UVRAG: variants seen among roughly 807,000 people sequenced by gnomAD.
UVRAG encodes UV radiation resistance-associated gene protein.
A neutral mutation model predicts 78.0 loss-of-function variants in UVRAG; 19 were observed. That is an observed-to-expected ratio of 0.24 (90% confidence interval 0.17 to 0.36). UVRAG has a LOEUF of 0.36. Ranked by LOEUF, UVRAG falls within the 10% of genes least tolerant of loss-of-function variation. The pLI is 1.00. For synonymous variants in UVRAG, 323 were observed against 324.6 expected, an observed-to-expected ratio of 1.00 and a Z score of 0.05; for missense variants, 740 against 853.8, an observed-to-expected ratio of 0.87 and a Z score of 1.66.
chr11:75,960,770 A>G (rs1948894543), intron 6 of UVRAG, among the ~76,000 whole-genome samples: 2 of 152,166 alleles, frequency 1.3e-5, no homozygotes, highest in Non-Finnish European at 2.9e-5. Flanking sequence ...CTGTCTCAAA[A>G]TAAAATTAAA....
At chr11:75,848,345 ACAGT>A (rs1468412665) in intron 1 of UVRAG, among the ~76,000 whole-genome samples, 2 of 152,238 alleles carry the variant, frequency 1.3e-5, no homozygotes, top group Non-Finnish European at 2.9e-5. Context: ...CATACAGCCC[ACAGT>A]CAGTGCTTTA....
chr11:76,049,286 T>G (rs1249396569), intron 12 of UVRAG, among the ~76,000 whole-genome samples: 1 of 152,220 alleles, frequency 6.6e-6, no homozygotes, highest in Non-Finnish European at 1.5e-5. Flanking sequence ...CCCACATTTA[T>G]TTAAGCCCCA....
intron 12 of UVRAG, among the ~76,000 whole-genome samples, chr11:76,025,616 A>G (rs187876609): frequency 1.2e-4 from 18 of 152,180 alleles, no homozygotes; most frequent in Middle Eastern, 6.8e-3. Flanking sequence ...GATTTTGTGT[A>G]CTTATGTTTG....
intron 5 of UVRAG, among the ~76,000 whole-genome samples, chr11:75,894,404 C>T (rs1311156424): frequency 6.6e-6 from 1 of 151,674 alleles, no homozygotes; most frequent in Non-Finnish European, 1.5e-5. Context: ...AAAAGCATTG[C>T]CCTAGACAAC....
intron 1 of UVRAG, among the ~76,000 whole-genome samples, chr11:75,833,951 C>T (rs534917696): frequency 1.3e-4 from 20 of 152,348 alleles, no homozygotes; most frequent in East Asian, 9.6e-4. Flanking sequence ...ATGGCCATCA[C>T]GAACATGTCA....
chr11:75,931,232 T>C (rs554391270), intron 6 of UVRAG, among the ~76,000 whole-genome samples: 1 of 152,240 alleles, frequency 6.6e-6, no homozygotes, highest in South Asian at 2.1e-4. Flanking sequence ...AGATACTTAT[T>C]GCTCTTCTAG....
chr11:75,921,797 G>T lies in UVRAG; in HGVS notation c.593+9758G>T, dbSNP rs567467228. Among the ~76,000 whole-genome samples, 16 of 151,756 alleles carry T rather than the reference G, an allele frequency of 1.1e-4. No individual in the cohort carries two copies. The South Asian group carries it at 3.1e-3, about 30-fold the overall frequency. ...CTTCATAGATGAATTCATTGTGCCA[G>T]CACCTTTCTTTTCCCACTGAATTTA... is the stretch of plus-strand genomic sequence containing the variant. On this transcript the variant is annotated intron_variant, in intron 6 of 14. Transcript: ENST00000356136.
At chr11:75,996,057 A>C (rs866280556) in intron 8 of UVRAG, among the ~76,000 whole-genome samples, 9 of 152,234 alleles carry the variant, frequency 5.9e-5, no homozygotes, top group South Asian at 2.1e-4. Context: ...TTCAGTTTCC[A>C]TGTAAGTATA....
chr11:76,139,229 G>T (rs1442867204), intron 14 of UVRAG, among the ~76,000 whole-genome samples: 1 of 152,180 alleles, frequency 6.6e-6, no homozygotes, highest in African/African-American at 2.4e-5. Flanking sequence ...GTATAATCCT[G>T]CATCAGAGGA....
In UVRAG at chr11:75,851,928, A is replaced by G. The variant is rs748748115; in HGVS notation, c.163A>G (p.Asn55Asp). 4 of 1,614,066 alleles carry G rather than the reference A, an allele frequency of 2.5e-6. No homozygotes were observed. The highest frequency in any genetic ancestry group is 1.3e-5 in the African/African-American group (1 of 75,036). The change falls in exon 2 of 15, where the codon AAT (asparagine) becomes GAT (aspartate). Residue 55 changes from asparagine (N) to aspartate (D), a missense_variant. Transcript: ENST00000356136. ...GAACATTGCTGCCCGGAACATTGTTAATAGAAATGGCCATCAGCTCCTTGA... is the reference window on the plus strand; with the variant it reads ...GAACATTGCTGCCCGGAACATTGTTGATAGAAATGGCCATCAGCTCCTTGA... ...LRNIAARNIV[N>D]RNGHQLLDTY... is the part of the protein sequence containing the mutation.
rs184367586 is a variant in UVRAG at position 75,914,432 on chromosome 11, A to C, written c.593+2393A>C. On this transcript the variant is annotated intron_variant, in intron 6 of 14. Coordinates refer to ENST00000356136, the MANE Select transcript of UVRAG (RefSeq NM_003369.4). ...TGAAAACACACAGTCTAAATTCTTT[A>C]ATGCCACTTAACTCTATAAAATTCT... 9.8e-5 allele frequency: 15 copies of C among 152,332 alleles called. No individual in the cohort carries two copies. The East Asian group carries it at 2.1e-3, about 21-fold the overall frequency. The allele number at this position is 152,332 out of a possible 1,614,324, so 9.4% of individuals were successfully genotyped here. A position where few individuals can be genotyped will look rare whatever the true frequency, so the allele number is the denominator to read the frequency against.
At chr11:76,068,163 A>G (rs1341388908) in intron 13 of UVRAG, among the ~76,000 whole-genome samples, 2 of 152,216 alleles carry the variant, frequency 1.3e-5, no homozygotes, top group South Asian at 2.1e-4. Context: ...AAGATCATAT[A>G]AAGTGTTGCT....
At chr11:76,113,378 C>T (rs1431376471) in intron 13 of UVRAG, among the ~76,000 whole-genome samples, 1 of 151,616 alleles carries the variant, frequency 6.6e-6, no homozygotes, top group Non-Finnish European at 1.5e-5. Flanking sequence ...AAATTCTCTT[C>T]TTTCATGGTG....
chr11:76,041,417 C>A (rs182987977), intron 12 of UVRAG, among the ~76,000 whole-genome samples: 21 of 152,300 alleles, frequency 1.4e-4, no homozygotes, highest in Admixed American at 6.5e-4. Context: ...CTATGGAAGG[C>A]TGTTGCCACT....
rs11302810 is a variant in UVRAG, at chr11:75,960,202, G to GT, written c.594-1229dup. ...CAGGGTTGCCACAAACCTTCAATTT[G>GT]TTTTTTTTTTTTTGTTTCTTTTTTT... On this transcript the variant is annotated intron_variant, in intron 6 of 14. Coordinates refer to ENST00000356136, the MANE Select transcript of UVRAG (RefSeq NM_003369.4). Among the ~76,000 whole-genome samples, 1,099 of 138,568 alleles carry GT rather than the reference G, an allele frequency of 7.9e-3. 8 individuals are homozygous for GT. Among genetic ancestry groups the GT allele is most frequent in the East Asian group, 0.033 (154 of 4,686 alleles). 90.9% of individuals were successfully genotyped at this position (138,568 alleles called of 152,430 possible).
intron 12 of UVRAG, among the ~76,000 whole-genome samples, chr11:76,029,789 T>C (rs1950398779): frequency 6.6e-6 from 1 of 152,214 alleles, no homozygotes; most frequent in African/African-American, 2.4e-5. Context: ...AAAGAAGTTC[T>C]ACTGTGGGTA....
At chr11:75,902,999 T>C (rs1162914855) in intron 5 of UVRAG, among the ~76,000 whole-genome samples, 2 of 152,208 alleles carry the variant, frequency 1.3e-5, no homozygotes, top group African/African-American at 2.4e-5. Flanking sequence ...TCTGATTGCT[T>C]TCTCTCCATC....
intron 13 of UVRAG, among the ~76,000 whole-genome samples, chr11:76,073,088 T>C (rs1727513256): frequency 6.6e-6 from 1 of 152,178 alleles, no homozygotes; most frequent in South Asian, 2.1e-4. Flanking sequence ...TTTATATATA[T>C]ATATTTAAAA....
intron 14 of UVRAG, among the ~76,000 whole-genome samples, chr11:76,134,121 G>A (rs906654196): frequency 4.6e-5 from 7 of 150,900 alleles, no homozygotes; most frequent in Non-Finnish European, 8.9e-5. Context: ...CCACTACACC[G>A]GGCTAATTTT....
Sources: gnomAD v4.1 joint callset for allele counts (sites outside exome capture counted in the v4.1 genomes callset) on GRCh38, gnomAD v4.1.1 for gene constraint, MANE v1.5 for transcripts, NCBI Gene and HGNC (gene_info 2026-07-23, HGNC 2026-07-21) for gene names.